YPEL2: variants seen among roughly 807,000 people sequenced by gnomAD.
YPEL2 encodes protein yippee-like 2.
A neutral mutation model predicts 19.1 loss-of-function variants in YPEL2; 2 were observed. That is an observed-to-expected ratio of 0.10 (90% CI 0.04 to 0.33). The LOEUF is 0.33. Among genes scored for constraint, YPEL2 ranks in the 10% least tolerant of loss-of-function variants. The pLI, the probability that YPEL2 is intolerant of heterozygous loss-of-function variation, is 1.00. For missense variants in YPEL2, 66 were observed against 140.7 expected, an observed-to-expected ratio of 0.47 and a Z score of 2.68; for synonymous variants, 52 against 50.0, an observed-to-expected ratio of 1.04 and a Z score of -0.17.
In YPEL2 at chr17:59,332,422, C is replaced by T. The variant is rs554117084; in HGVS notation, c.-196+598C>T. On this transcript the variant is annotated intron_variant, in intron 1 of 4. Coordinates refer to ENST00000312655, the MANE Select transcript of YPEL2 (RefSeq NM_001005404.4). ...GTTCCTCCCTGGCCGCGTCTCGGCG[C>T]CTCCCCGGTGTCCTTGCCAAGGGGG... Among the ~76,000 whole-genome samples the T allele has an allele frequency of 2.6e-3, 395 of 152,296 alleles. 5 individuals carry two copies. The highest frequency in any genetic ancestry group is 7.4e-3 in the East Asian group (38 of 5,158).
chr17:59,349,173 C>CA (rs57129006), intron 1 of YPEL2, among the ~76,000 whole-genome samples: 1,320 of 56,730 alleles, frequency 0.023, 34 homozygotes, highest in Non-Finnish European at 0.036. Flanking sequence ...GACTCCGTCT[C>CA]AAAAAAAAAA....
Position 59,393,588 on chromosome 17 carries a change from A to AT in YPEL2, c.271-3512dup, listed in dbSNP as rs2048019841. On this transcript the variant is annotated intron_variant, in intron 4 of 4. Transcript: ENST00000312655. Reference sequence around the variant, plus strand: ...GGGGATTTGGCAGGGTCATAGGACAATAGTGGAGGGAAGGTCAGCAGATAA... The same window carrying AT: ...GGGGATTTGGCAGGGTCATAGGACAATTAGTGGAGGGAAGGTCAGCAGATAA... Among the ~76,000 whole-genome samples, 3 of 146,162 alleles carry AT rather than the reference A, an allele frequency of 2.1e-5. 1 individual carries two copies. In the South Asian group the frequency reaches 6.5e-4, roughly 32 times the overall value.
At chr17:59,376,612 G>A (rs573401929) in intron 2 of YPEL2, among the ~76,000 whole-genome samples, 6 of 152,192 alleles carry the variant, frequency 3.9e-5, no homozygotes, top group African/African-American at 9.6e-5. Flanking sequence ...CCTGGTTTTC[G>A]TTGTTTTTTG....
At chr17:59,340,519 C>T in intron 1 of YPEL2, among the ~76,000 whole-genome samples, 1 of 150,570 alleles carries the variant, frequency 6.6e-6, no homozygotes, top group Non-Finnish European at 1.5e-5. Context: ...AGGTTCACGC[C>T]ATTCTCCTGC....
intron 2 of YPEL2, among the ~76,000 whole-genome samples, chr17:59,378,219 C>A (rs1033759956): frequency 5.9e-5 from 9 of 152,128 alleles, no homozygotes; most frequent in Non-Finnish European, 1.5e-5. Flanking sequence ...TTAGTTCCCC[C>A]AAAACACTTC....
At position 59,398,427 on chromosome 17, in the gene YPEL2, C is replaced by T. The variant is rs2048052425; in HGVS notation, c.*1237C>T. Reference sequence around the variant, plus strand: ...GTAGATTCCTCATGCCCCTAATTGTCCCACTTAGGCCTGAATGTCTTGCAT... The same window carrying T: ...GTAGATTCCTCATGCCCCTAATTGTTCCACTTAGGCCTGAATGTCTTGCAT... On this transcript the variant is annotated 3_prime_UTR_variant, in exon 5 of 5. Coordinates refer to ENST00000312655, the MANE Select transcript of YPEL2 (RefSeq NM_001005404.4). 1 of 152,142 alleles carries T rather than the reference C, an allele frequency of 6.6e-6. No individual in the cohort carries two copies. Among genetic ancestry groups the T allele is most frequent in the South Asian group, 2.1e-4 (1 of 4,822 alleles). The allele number at this position is 152,142 out of a possible 1,614,324, so 9.4% of individuals were successfully genotyped here. A position where few individuals can be genotyped will look rare whatever the true frequency, so the allele number is the denominator to read the frequency against.
chr17:59,401,645 GTAT>G lies in YPEL2; in HGVS notation c.*4458_*4460del, dbSNP rs1471854138. 9 of 152,626 alleles carry G rather than the reference GTAT, an allele frequency of 5.9e-5. No homozygotes were observed. The highest frequency in any genetic ancestry group is 2.2e-4 in the African/African-American group (9 of 41,448). The allele number at this position is 152,626 out of a possible 1,614,324, so 9.5% of individuals were successfully genotyped here. On this transcript the variant is annotated 3_prime_UTR_variant, in exon 5 of 5. Coordinates refer to ENST00000312655, the MANE Select transcript of YPEL2 (RefSeq NM_001005404.4). ...TCCTGTATTTGTACATAGTGATTCA[GTAT>G]TAGAGAAAAGTGCATTGTTTCTGTC...
chr17:59,358,926 C>CT (rs35109375), intron 2 of YPEL2, among the ~76,000 whole-genome samples: 4,782 of 115,246 alleles, frequency 0.041, 250 homozygotes, highest in East Asian at 0.12. Flanking sequence ...TTTCCTTTTT[C>CT]TTTTTTTTTT....
At chr17:59,338,641 G>A (rs1225234717) in intron 1 of YPEL2, among the ~76,000 whole-genome samples, 1 of 152,186 alleles carries the variant, frequency 6.6e-6, no homozygotes, top group Non-Finnish European at 1.5e-5. Flanking sequence ...GATGGGGAAA[G>A]AGGGCACTGG....
chr17:59,377,949 T>C (rs190331865), intron 2 of YPEL2, among the ~76,000 whole-genome samples: 1 of 152,334 alleles, frequency 6.6e-6, no homozygotes, highest in East Asian at 1.9e-4. Flanking sequence ...CACAATCATT[T>C]CATCTTCACC....
intron 2 of YPEL2, chr17:59,355,390 TTA>T (rs1172926351): frequency 1.3e-5 from 2 of 152,180 alleles, no homozygotes; most frequent in African/African-American, 4.8e-5. Flanking sequence ...CCTTCAGAAT[TTA>T]TGTCTTATCT....
At chr17:59,374,978 A>C (rs543115416) in intron 2 of YPEL2, among the ~76,000 whole-genome samples, 8 of 152,366 alleles carry the variant, frequency 5.3e-5, no homozygotes, top group Non-Finnish European at 8.8e-5. Flanking sequence ...CTGAAGTGTT[A>C]CAGTGCCAAG....
At position 59,397,322 on chromosome 17, in the gene YPEL2, C is replaced by A; in HGVS notation, c.*132C>A. 1 of 550,010 alleles carries A rather than the reference C, an allele frequency of 1.8e-6. No homozygotes were observed. Among genetic ancestry groups the A allele is most frequent in the Non-Finnish European group, 3.1e-6 (1 of 325,014 alleles). The allele number at this position is 550,010 out of a possible 1,614,324, so 34.1% of individuals were successfully genotyped here. A position where few individuals can be genotyped will look rare whatever the true frequency, so the allele number is the denominator to read the frequency against. Reference sequence around the variant, plus strand: ...CTTGCCATCCGGGGCATCCTCCCACCCTGACGCCATCTTTCTGGTGACCGG... The same window carrying A: ...CTTGCCATCCGGGGCATCCTCCCACACTGACGCCATCTTTCTGGTGACCGG... On this transcript the variant is annotated 3_prime_UTR_variant, in exon 5 of 5. Transcript: ENST00000312655.
Position 59,353,883 on chromosome 17 carries a change from T to C in YPEL2, c.117+357T>C, listed in dbSNP as rs1256434058. On this transcript the variant is annotated intron_variant, in intron 2 of 4. Coordinates refer to ENST00000312655, the MANE Select transcript of YPEL2 (RefSeq NM_001005404.4). The surrounding 1 kb of genome is among the most constrained non-coding windows in gnomAD (Gnocchi z 4.8). ...TGCTCCCTGCTCAGAAGGTGAATTC[T>C]GATAAAGCAGGGGAATGTCTTGTAA... is the stretch of plus-strand genomic sequence containing the variant. The C allele has an allele frequency of 3.0e-6, 1 of 329,126 alleles. No individual in the cohort carries two copies. Among genetic ancestry groups the C allele is most frequent in the Admixed American group, 4.5e-5 (1 of 22,448 alleles). 20.4% of individuals were successfully genotyped at this position (329,126 alleles called of 1,614,324 possible).
rs1567765776 is a variant in YPEL2 at position 59,397,073 on chromosome 17, ATCTCT to A, written c.271-22_271-18del. ...ATTTTCTTGTCTTTGGTCGTTCAGT[ATCTCT>A]TCTCTGCTTCTGTATTTCCTAGGAA... On this transcript the variant is annotated intron_variant, in intron 4 of 4. Coordinates refer to ENST00000312655, the MANE Select transcript of YPEL2 (RefSeq NM_001005404.4). 4 of 1,560,338 alleles carry A rather than the reference ATCTCT, an allele frequency of 2.6e-6. No individual in the cohort carries two copies. In the East Asian group the frequency reaches 6.8e-5, roughly 27 times the overall value.
chr17:59,396,950 G>A (rs557872422), intron 4 of YPEL2, 151 bp from the exon 5 acceptor site: 54 of 484,380 alleles, frequency 1.1e-4, no homozygotes, highest in Non-Finnish European at 1.8e-4. Context: ...AGAATCGCTC[G>A]AACCTGGGAG....
intron 2 of YPEL2, among the ~76,000 whole-genome samples, chr17:59,378,510 AATTTT>A (rs1203551680): frequency 6.6e-6 from 1 of 152,038 alleles, no homozygotes; most frequent in Non-Finnish European, 1.5e-5. Flanking sequence ...ACGCCCAGCT[AATTTT>A]GGTAGAGACG....
intron 2 of YPEL2, chr17:59,354,497 T>G (rs1471006340): frequency 6.6e-6 from 1 of 152,204 alleles, no homozygotes. Context: ...TTGCCTCTGG[T>G]TTGGTAGCCC....
At chr17:59,343,842 C>T (rs1178923860) in intron 1 of YPEL2, among the ~76,000 whole-genome samples, 1 of 152,042 alleles carries the variant, frequency 6.6e-6, no homozygotes, top group Non-Finnish European at 1.5e-5. Context: ...CTAGAATGGG[C>T]TGGAGAGGTA....
Sources: gnomAD v4.1 joint callset for allele counts (sites outside exome capture counted in the v4.1 genomes callset) on GRCh38, gnomAD v4.1.1 for gene constraint, Gnocchi (gnomAD v3.1) non-coding constraint, MANE v1.5 for transcripts, NCBI Gene and HGNC (gene_info 2026-07-23, HGNC 2026-07-21) for gene names.